PIK3R5: variants seen among roughly 807,000 people sequenced by gnomAD.
The protein encoded by PIK3R5 is phosphoinositide 3-kinase regulatory subunit 5.
PIK3R5 carries 32 observed loss-of-function variants against 94.9 expected under a neutral mutation model. The ratio of observed to expected loss-of-function variants is 0.34; its 90% CI spans 0.25 to 0.45. The LOEUF (loss-of-function observed/expected upper bound fraction) is 0.45. Among genes scored for constraint, PIK3R5 ranks in the 20% least tolerant of loss-of-function variants. PIK3R5 has a pLI of 1.00. For synonymous variants in PIK3R5, 443 were observed against 479.4 expected (o/e 0.92, Z 0.99); for missense variants, 853 against 1,144.6 (o/e 0.75, Z 3.68).
chr17:8,893,476 CAG>C lies in PIK3R5; in HGVS notation c.482+108_482+109del, dbSNP rs1234954993. ...CCTGTTTGTTGCTGGCTGGGGTGGA[CAG>C]GGGGTGGGGGCACTGGATGTTTGAG... On this transcript the variant is annotated intron_variant, in intron 6 of 18. Coordinates refer to ENST00000447110, the MANE Select transcript of PIK3R5 (RefSeq NM_001142633.3). This position sits in a 1 kb window ranked among gnomAD's most constrained non-coding sequence, Gnocchi z 5.1. 2.0e-5 allele frequency: 17 copies of C among 840,822 alleles called. No individual in the cohort carries two copies. The East Asian group carries it at 3.5e-4, about 17-fold the overall frequency. The allele number at this position is 840,822 out of a possible 1,614,324, so 52.1% of individuals were successfully genotyped here.
In PIK3R5 at chr17:8,939,004, C is replaced by T. The variant is rs547624584; in HGVS notation, c.-14+26592G>A. Among the ~76,000 whole-genome samples, 30 of 152,270 alleles carry T rather than the reference C, an allele frequency of 2.0e-4. 1 individual carries two copies. The East Asian group carries it at 5.2e-3, about 26-fold the overall frequency. On this transcript the variant is annotated intron_variant, in intron 1 of 18. Coordinates refer to ENST00000447110, the MANE Select transcript of PIK3R5 (RefSeq NM_001142633.3). ...GAGAATCCTGCTTGAGTCTTGTGGG[C>T]TTACATAAGCTGGTGCCACCGCCAT...
rs564381539 is a variant in PIK3R5, at chr17:8,907,821, A to G, written c.204+1253T>C. Among the ~76,000 whole-genome samples the G allele has an allele frequency of 3.2e-4, 48 of 152,146 alleles. 1 individual carries two copies. The East Asian group carries it at 5.8e-3, about 18-fold the overall frequency. ...CTGGCTAGTTTTTGTATTTTTTTGTAGAGACGAGGTCTTGCTATGTTGCCC... is the reference window on the plus strand; with the variant it reads ...CTGGCTAGTTTTTGTATTTTTTTGTGGAGACGAGGTCTTGCTATGTTGCCC... On this transcript the variant is annotated intron_variant, in intron 3 of 18. Transcript: ENST00000447110.
Position 8,879,525 on chromosome 17 carries a change from G to T in PIK3R5, c.*1114C>A, listed in dbSNP as rs1441771119. On this transcript the variant is annotated 3_prime_UTR_variant, in exon 19 of 19. Transcript: ENST00000447110. This position sits in a 1 kb window ranked among gnomAD's most constrained non-coding sequence, Gnocchi z 4.4. ...ATATGGAAGATTGTACACGCAGAGT[G>T]AGATGGGAGTGGGAGGGCCAATCTG... 6.6e-6 allele frequency: 1 copy of T among 152,294 alleles called. No homozygotes were observed. Among genetic ancestry groups the T allele is most frequent in the African/African-American group, 2.4e-5 (1 of 41,442 alleles). 9.4% of individuals were successfully genotyped at this position (152,294 alleles called of 1,614,324 possible).
intron 1 of PIK3R5, among the ~76,000 whole-genome samples, chr17:8,928,212 A>G (rs1214783716): frequency 1.3e-5 from 2 of 152,372 alleles, no homozygotes; most frequent in East Asian, 3.9e-4. Flanking sequence ...GAGAGGAGAA[A>G]GAAGGCCGGG....
intron 1 of PIK3R5, among the ~76,000 whole-genome samples, chr17:8,929,481 A>G (rs943176249): frequency 2.6e-5 from 4 of 152,372 alleles, no homozygotes; most frequent in South Asian, 2.1e-4. Context: ...ATATAATGAC[A>G]TAAGGTCAAT....
intron 1 of PIK3R5, among the ~76,000 whole-genome samples, chr17:8,921,303 A>G (rs1244335189): frequency 1.3e-5 from 2 of 152,126 alleles, no homozygotes; most frequent in Non-Finnish European, 2.9e-5. Flanking sequence ...CCTACTTATA[A>G]GTCCTTTATT....
In PIK3R5 at chr17:8,889,529, T is replaced by C. The variant is rs573630888; in HGVS notation, c.812-307A>G. Among the ~76,000 whole-genome samples, 4 of 152,294 alleles carry C rather than the reference T, an allele frequency of 2.6e-5. No homozygotes were observed. The South Asian group carries it at 8.3e-4, about 32-fold the overall frequency. ...TAATAGTACTAGCCCAGAAGGTTTT[T>C]ATGAGGAATATTGTAACAGGGAATG... On this transcript the variant is annotated intron_variant, in intron 8 of 18. Coordinates refer to ENST00000447110, the MANE Select transcript of PIK3R5 (RefSeq NM_001142633.3). This position sits in a 1 kb window ranked among gnomAD's most constrained non-coding sequence, Gnocchi z 4.1.
intron 13 of PIK3R5, 73 bp downstream of exon 13, chr17:8,886,404 C>G (rs2089858455): frequency 6.2e-7 from 1 of 1,601,428 alleles, no homozygotes; most frequent in Non-Finnish European, 8.5e-7. Flanking sequence ...CCTGCTGGCT[C>G]TCCCGGGGCA....
At position 8,892,628 on chromosome 17, in the gene PIK3R5, AG is replaced by A. The variant is rs1279605873; in HGVS notation, c.482+957del. On this transcript the variant is annotated intron_variant, in intron 6 of 18. Coordinates refer to ENST00000447110, the MANE Select transcript of PIK3R5 (RefSeq NM_001142633.3). The surrounding 1 kb of genome is among the most constrained non-coding windows in gnomAD (Gnocchi z 4.3). Reference sequence around the variant, plus strand: ...AGCCCACCTGCCCCAGCTCCCCCAGAGGAATCTTATTTACTTACTAAACTAC... The same window carrying A: ...AGCCCACCTGCCCCAGCTCCCCCAGAGAATCTTATTTACTTACTAAACTAC... 1.3e-5 allele frequency among the ~76,000 whole-genome samples: 2 copies of A among 152,148 alleles called. No individual in the cohort carries two copies. The highest frequency in any genetic ancestry group is 2.9e-5 in the Non-Finnish European group (2 of 68,004).
rs2151368493 is a variant in PIK3R5, at chr17:8,888,171, C to T, written c.1616G>A (p.Arg539Gln). 4.3e-6 allele frequency: 7 copies of T among 1,613,178 alleles called. No individual in the cohort carries two copies. The highest frequency in any genetic ancestry group is 2.2e-5 in the South Asian group (2 of 91,062). Residue 539 changes from arginine to glutamine, a missense_variant and splice_region_variant, in exon 10 of 19, where the codon CGG becomes CAG. Physicochemically the swap from Arg to Gln is conservative, Grantham distance 43. Coordinates refer to ENST00000447110, the MANE Select transcript of PIK3R5 (RefSeq NM_001142633.3). The surrounding 1 kb of genome is among the most constrained non-coding windows in gnomAD (Gnocchi z 7.8). Reference sequence around the variant, plus strand: ...GGATGCTCCGCATTACGGCTCTTACCGAAGGTTGCTGTACGCCCGAGCCAC... The same window carrying T: ...GGATGCTCCGCATTACGGCTCTTACTGAAGGTTGCTGTACGCCCGAGCCAC... ...GKVARAYSNL[R>Q]RLENNRPLLT...
rs892192622 is a variant in PIK3R5 at position 8,884,556 on chromosome 17, C to A, written c.2205+151G>T. 4.7e-6 allele frequency: 3 copies of A among 636,784 alleles called. No individual in the cohort carries two copies. The highest frequency in any genetic ancestry group is 2.5e-5 in the Admixed American group (1 of 40,440). The allele number at this position is 636,784 out of a possible 1,614,324, so 39.4% of individuals were successfully genotyped here. A position where few individuals can be genotyped will look rare whatever the true frequency, so the allele number is the denominator to read the frequency against. ...AGATATCCACTCCTTCCCTTCTCTG[C>A]TTCTCTCAGCATCCAGGGGAGCCTG... On this transcript the variant is annotated intron_variant, in intron 15 of 18. Transcript: ENST00000447110. The surrounding 1 kb of genome is among the most constrained non-coding windows in gnomAD (Gnocchi z 5.8).
At position 8,881,579 on chromosome 17, in the gene PIK3R5, G is replaced by A. The variant is rs755004735; in HGVS notation, c.2382+51C>T. 15 of 1,216,938 alleles carry A rather than the reference G, an allele frequency of 1.2e-5. No homozygotes were observed. The highest frequency in any genetic ancestry group is 3.6e-5 in the African/African-American group (2 of 55,508). 75.4% of individuals were successfully genotyped at this position (1,216,938 alleles called of 1,614,324 possible). Reference sequence around the variant, plus strand: ...CACGTACACACATACGCACATGCACGCTCCAGTAAGTCTCTTGAGGGTATG... The same window carrying A: ...CACGTACACACATACGCACATGCACACTCCAGTAAGTCTCTTGAGGGTATG... On this transcript the variant is annotated intron_variant, in intron 17 of 18. Transcript: ENST00000447110. This position sits in a 1 kb window ranked among gnomAD's most constrained non-coding sequence, Gnocchi z 4.8.
intron 14 of PIK3R5, chr17:8,885,064 C>T (rs61761113): frequency 2.4e-6 from 1 of 421,612 alleles, no homozygotes; most frequent in African/African-American, 2.5e-5. Context: ...GTGATCACAC[C>T]TTCCCAGGGT....
rs749059720 is a variant in PIK3R5, at chr17:8,881,652, T to G, written c.2360A>C (p.Lys787Thr). 1.2e-6 allele frequency: 2 copies of G among 1,613,430 alleles called. No individual in the cohort carries two copies. The highest frequency in any genetic ancestry group is 1.7e-6 in the Non-Finnish European group (2 of 1,179,632). ...TACCTGGTTAAAGCCCTTCTTGGAT[T>G]TGGAGTTCTGCCTTTTCACCACTTC... is the stretch of plus-strand genomic sequence containing the variant. ...LTEVVKRQNS[K>T]SKKGFNQIST... Residue 787 changes from lysine to threonine, a missense_variant, in exon 17 of 19, where the codon AAA becomes ACA. Physicochemically the swap from Lys to Thr is moderately conservative, Grantham distance 78 (BLOSUM62 -1). This residue lies in a region of PIK3R5 where 173 missense variants were observed against 274.1 expected (regional missense o/e 0.63). Coordinates refer to ENST00000447110, the MANE Select transcript of PIK3R5 (RefSeq NM_001142633.3). This position sits in a 1 kb window ranked among gnomAD's most constrained non-coding sequence, Gnocchi z 4.8.
In PIK3R5 at chr17:8,935,815, G is replaced by A. The variant is rs1379428048; in HGVS notation, c.-13-24308C>T. Among the ~76,000 whole-genome samples, 1 of 152,116 alleles carries A rather than the reference G, an allele frequency of 6.6e-6. No individual in the cohort carries two copies. The highest frequency in any genetic ancestry group is 2.4e-5 in the African/African-American group (1 of 41,406). On this transcript the variant is annotated intron_variant, in intron 1 of 18. Coordinates refer to ENST00000447110, the MANE Select transcript of PIK3R5 (RefSeq NM_001142633.3). This position sits in a 1 kb window ranked among gnomAD's most constrained non-coding sequence, Gnocchi z 4.5. Reference sequence around the variant, plus strand: ...CACGCTTGTAATCCCAGCACTTTGGGAGGCTGAGGCGGGCGGATCACGAGG... The same window carrying A: ...CACGCTTGTAATCCCAGCACTTTGGAAGGCTGAGGCGGGCGGATCACGAGG...
chr17:8,934,964 A>C (rs1393311599), intron 1 of PIK3R5, among the ~76,000 whole-genome samples: 1 of 152,024 alleles, frequency 6.6e-6, no homozygotes, highest in East Asian at 1.9e-4. Flanking sequence ...TTTCCTCTCC[A>C]TAAAACTTCT....
chr17:8,911,788 G>GACCTGCCTGGCC lies in PIK3R5; in HGVS notation c.-13-282_-13-281insGGCCAGGCAGGT. ...GAATGGGAGCAGAGAGGTGGAAAGGGCACTGGGCAGTGGGAAGTGTCGCCA... is the reference window on the plus strand; with the variant it reads ...GAATGGGAGCAGAGAGGTGGAAAGGGACCTGCCTGGCCCACTGGGCAGTGGGAAGTGTCGCCA... On this transcript the variant is annotated intron_variant, in intron 1 of 18. Transcript: ENST00000447110. The surrounding 1 kb of genome is among the most constrained non-coding windows in gnomAD (Gnocchi z 5.3). 3.5e-6 allele frequency: 1 copy of GACCTGCCTGGCC among 286,304 alleles called. No individual in the cohort carries two copies. The highest frequency in any genetic ancestry group is 6.6e-6 in the Non-Finnish European group (1 of 151,360). 17.7% of individuals were successfully genotyped at this position (286,304 alleles called of 1,614,324 possible).
intron 14 of PIK3R5, among the ~76,000 whole-genome samples, chr17:8,885,826 A>ACCCCGCCTCCCCAGGG (rs2089827524): frequency 1.2e-5 from 1 of 86,620 alleles, no homozygotes; most frequent in African/African-American, 5.1e-5. Context: ...CTCCTGGGTA[A>ACCCCGCCTCCCCAGGG]CCCCGCCTCC....
At position 8,948,042 on chromosome 17, in the gene PIK3R5, T is replaced by TA. The variant is rs71135932; in HGVS notation, c.-14+17553dup. Among the ~76,000 whole-genome samples the TA allele has an allele frequency of 7.9e-3, 492 of 62,656 alleles. 6 individuals are homozygous for TA. Among genetic ancestry groups the TA allele is most frequent in the Middle Eastern group, 0.021 (2 of 96 alleles). 41.1% of individuals were successfully genotyped at this position (62,656 alleles called of 152,430 possible). A position where few individuals can be genotyped will look rare whatever the true frequency, so the allele number is the denominator to read the frequency against. On this transcript the variant is annotated intron_variant, in intron 1 of 18. Coordinates refer to ENST00000447110, the MANE Select transcript of PIK3R5 (RefSeq NM_001142633.3). Reference sequence around the variant, plus strand: ...TGGGCGACAGAGCGAGACTCCGTCTTAAAAAAAAAAAAAAAAAAAAAAAAG... The same window carrying TA: ...TGGGCGACAGAGCGAGACTCCGTCTTAAAAAAAAAAAAAAAAAAAAAAAAAG...
Sources: allele counts gnomAD v4.1 joint callset (sites outside exome capture counted in the v4.1 genomes callset), GRCh38; gene constraint gnomAD v4.1.1; regional missense constraint gnomAD v4.1.1; non-coding constraint Gnocchi (gnomAD v3.1); transcripts MANE v1.5; gene names NCBI Gene and HGNC (gene_info 2026-07-23, HGNC 2026-07-21).